MCTP1: variants seen among roughly 807,000 people sequenced by gnomAD.
The protein encoded by MCTP1 is multiple C2 and transmembrane domain containing 1, also known as multiple C2 and transmembrane domain-containing protein 1.
Under a neutral mutation model 120.6 loss-of-function variants are expected in MCTP1, and 69 were observed. The observed-to-expected ratio is 0.57, with a 90% CI of 0.47 to 0.70. The LOEUF (loss-of-function observed/expected upper bound fraction) is 0.70, where lower values mean the gene tolerates loss of function less well. Among genes scored for constraint, MCTP1 ranks in the 30% least tolerant of loss-of-function variants. The pLI is 0.00. For missense variants in MCTP1, 1,203 were observed against 1,248.8 expected (o/e 0.96, Z 0.55); for synonymous variants, 529 against 493.1 (o/e 1.07, Z -0.96).
At chr5:94,781,120 T>C (rs770667707) in intron 18 of MCTP1, among the ~76,000 whole-genome samples, 2 of 115,724 alleles carry the variant, frequency 1.7e-5, no homozygotes, top group South Asian at 3.3e-4. Context: ...ATCTTTTAGA[T>C]TTAAATGAAG....
At chr5:95,276,813 A>T (rs892301157) in intron 1 of MCTP1, among the ~76,000 whole-genome samples, 12 of 151,754 alleles carry the variant, frequency 7.9e-5, no homozygotes, top group Admixed American at 6.6e-4. Context: ...TTAGCCGGGC[A>T]TGGTGGCGGG....
intron 1 of MCTP1, among the ~76,000 whole-genome samples, chr5:95,234,160 G>T (rs1340046001): frequency 6.6e-6 from 1 of 152,140 alleles, no homozygotes; most frequent in East Asian, 1.9e-4. Flanking sequence ...ACAAATCTTG[G>T]GAGTTAAAGG....
chr5:94,867,291 G>C (rs1797003222), intron 17 of MCTP1: 1 of 1,530,722 alleles, frequency 6.5e-7, no homozygotes. Context: ...TGGGAAGCAG[G>C]CTGCCTAACT....
chr5:95,157,977 T>C (rs1582393261), intron 1 of MCTP1, among the ~76,000 whole-genome samples: 1 of 152,196 alleles, frequency 6.6e-6, no homozygotes, highest in African/African-American at 2.4e-5. Flanking sequence ...ACCCCTGTTG[T>C]AGTTCATTAA....
intron 2 of MCTP1, among the ~76,000 whole-genome samples, chr5:94,986,262 T>C (rs1449195399): frequency 6.6e-6 from 1 of 152,200 alleles, no homozygotes; most frequent in Non-Finnish European, 1.5e-5. Context: ...TGTTTCTTTT[T>C]TTCCTCATAC....
At chr5:94,820,730 C>T (rs530144922) in intron 17 of MCTP1, among the ~76,000 whole-genome samples, 1 of 152,302 alleles carries the variant, frequency 6.6e-6, no homozygotes, top group African/African-American at 2.4e-5. Flanking sequence ...GCTTGCTGCC[C>T]AGTGCCTATC....
chr5:94,867,155 A>G (rs2098162346), intron 17 of MCTP1: 4 of 1,257,182 alleles, frequency 3.2e-6, no homozygotes, highest in South Asian at 3.8e-5. Flanking sequence ...TAATAGTACC[A>G]CCATATATTT....
At chr5:94,845,680 G>C (rs1016604777) in intron 17 of MCTP1, among the ~76,000 whole-genome samples, 3 of 152,090 alleles carry the variant, frequency 2.0e-5, no homozygotes, top group African/African-American at 7.2e-5. Flanking sequence ...GAGTAGCTGA[G>C]ATTACAGGTA....
chr5:95,108,425 T>C (rs554547537), intron 1 of MCTP1, among the ~76,000 whole-genome samples: 2 of 152,162 alleles, frequency 1.3e-5, no homozygotes, highest in East Asian at 3.8e-4. Flanking sequence ...CAGCAAGATG[T>C]TAGTGATTAA....
chr5:95,104,354 G>C (rs1281383933), intron 1 of MCTP1, among the ~76,000 whole-genome samples: 1 of 150,412 alleles, frequency 6.6e-6, no homozygotes, highest in East Asian at 1.9e-4. Flanking sequence ...TTCAATGTCA[G>C]GTCATACATT....
At chr5:94,773,260 A>G (rs1297937176) in intron 19 of MCTP1, among the ~76,000 whole-genome samples, 3 of 152,212 alleles carry the variant, frequency 2.0e-5, no homozygotes, top group Non-Finnish European at 4.4e-5. Context: ...TGACTGTAAA[A>G]TATACCTCAG....
At chr5:94,981,210 C>T (rs774201989) in intron 2 of MCTP1, among the ~76,000 whole-genome samples, 9 of 152,004 alleles carry the variant, frequency 5.9e-5, no homozygotes, top group South Asian at 2.1e-4. Flanking sequence ...GGGAAAAGTC[C>T]GAGGTTTCCA....
At chr5:94,769,228 C>T (rs1359719200) in intron 19 of MCTP1, among the ~76,000 whole-genome samples, 1 of 152,022 alleles carries the variant, frequency 6.6e-6, no homozygotes, top group Non-Finnish European at 1.5e-5. Context: ...TTACTAGAGG[C>T]TGGGAAGCGG....
intron 17 of MCTP1, among the ~76,000 whole-genome samples, chr5:94,830,350 T>C (rs1196139074): frequency 6.6e-6 from 1 of 152,224 alleles, no homozygotes; most frequent in Non-Finnish European, 1.5e-5. Flanking sequence ...TATCCAAAAA[T>C]ATTAAAAGTA....
chr5:94,736,386 G>C (rs1764243976), intron 19 of MCTP1, among the ~76,000 whole-genome samples: 1 of 152,162 alleles, frequency 6.6e-6, no homozygotes, highest in East Asian at 1.9e-4. Context: ...GGGAGGCTGA[G>C]GTGGGGGAAT....
intron 1 of MCTP1, among the ~76,000 whole-genome samples, chr5:95,237,136 G>A (rs918626008): frequency 6.6e-6 from 1 of 152,100 alleles, no homozygotes; most frequent in African/African-American, 2.4e-5. Flanking sequence ...CATCCTCTCT[G>A]GATTGGCAAG....
chr5:95,185,923 G>A (rs1175380406), intron 1 of MCTP1, among the ~76,000 whole-genome samples: 1 of 152,142 alleles, frequency 6.6e-6, no homozygotes, highest in Non-Finnish European at 1.5e-5. Flanking sequence ...CCATGAGGCA[G>A]AGGTTGCAGT....
intron 1 of MCTP1, among the ~76,000 whole-genome samples, chr5:95,231,489 A>G (rs1754938433): frequency 6.6e-6 from 1 of 152,226 alleles, no homozygotes; most frequent in African/African-American, 2.4e-5. Flanking sequence ...TAAGACAATG[A>G]CATCAGGCAA....
intron 18 of MCTP1, among the ~76,000 whole-genome samples, chr5:94,797,356 T>A (rs1029090950): frequency 6.6e-6 from 1 of 152,138 alleles, no homozygotes; most frequent in Admixed American, 6.5e-5. Context: ...TAATCTTATT[T>A]GCAAATTTGT....
Sources: allele counts gnomAD v4.1 joint callset (sites outside exome capture counted in the v4.1 genomes callset), GRCh38; gene constraint gnomAD v4.1.1; transcripts MANE v1.5; gene names NCBI Gene and HGNC (gene_info 2026-07-23, HGNC 2026-07-21).